The following SEPTIN2 variants were observed in gnomAD, a reference collection of about 807,000 sequenced individuals.
The protein encoded by SEPTIN2 is septin-2.
Under a neutral mutation model 46.5 loss-of-function variants are expected in SEPTIN2, and 34 were observed. The ratio of observed to expected loss-of-function variants is 0.73; its 90% CI spans 0.56 to 0.97. The LOEUF is 0.97. SEPTIN2 is among the 50% of genes least tolerant of loss of function. The pLI is 0.00. For synonymous variants in SEPTIN2, 175 were observed against 153.4 expected (o/e 1.14, Z -1.04); for missense variants, 347 against 448.4 (o/e 0.77, Z 2.04).
At chr2:241,350,898 T>C (rs1428969500) in intron 12 of SEPTIN2, among the ~76,000 whole-genome samples, 2 of 152,172 alleles carry the variant, frequency 1.3e-5, no homozygotes, top group African/African-American at 4.8e-5. Context: ...TCCCATCACT[T>C]GCCAGAGGAA....
chr2:241,323,954 TA>T (rs970729584), intron 1 of SEPTIN2, among the ~76,000 whole-genome samples: 1 of 152,190 alleles, frequency 6.6e-6, no homozygotes, highest in Admixed American at 6.5e-5. Context: ...GAATAAAGAA[TA>T]GGGGGTCTGG....
Position 241,350,202 on chromosome 2 carries a change from AG to A in SEPTIN2, c.*29+1del. 1 of 1,564,618 alleles carries A rather than the reference AG, an allele frequency of 6.4e-7. No homozygotes were observed. Among genetic ancestry groups the A allele is most frequent in the Non-Finnish European group, 8.7e-7 (1 of 1,149,826 alleles). ...TGATGTGCACATATCAAGAAGTCAG[AG>A]GTAGGCCCTGTTGTCCCTTAGCCTG... is the stretch of plus-strand genomic sequence containing the variant. On this transcript the variant is annotated splice_region_variant and 3_prime_UTR_variant, in exon 12 of 13. Transcript: ENST00000391971.
chr2:241,328,587 A>G (rs1015938918), intron 3 of SEPTIN2, among the ~76,000 whole-genome samples: 1 of 150,220 alleles, frequency 6.7e-6, no homozygotes, highest in Non-Finnish European at 1.5e-5. Flanking sequence ...AAAAAAAAAT[A>G]CTAAATTAGC....
chr2:241,350,792 C>G (rs576678390), intron 12 of SEPTIN2, among the ~76,000 whole-genome samples: 2 of 152,134 alleles, frequency 1.3e-5, no homozygotes, highest in South Asian at 2.1e-4. Context: ...TCTGCAGACT[C>G]CAGAGACTCA....
chr2:241,328,877 G>A (rs978125114), intron 3 of SEPTIN2, among the ~76,000 whole-genome samples: 3 of 151,226 alleles, frequency 2.0e-5, no homozygotes, highest in Admixed American at 6.6e-5. Flanking sequence ...AAAATTAGCC[G>A]GGCATGGTGG....
chr2:241,335,766 T>G, intron 4 of SEPTIN2: 1 of 610,504 alleles, frequency 1.6e-6, no homozygotes, highest in Non-Finnish European at 2.9e-6. Flanking sequence ...ACATTTGTGT[T>G]TTTAACCTTC....
chr2:241,342,894 G>T, intron 7 of SEPTIN2, 98 bp from the exon 8 acceptor site: 1 of 675,212 alleles, frequency 1.5e-6, no homozygotes, highest in Non-Finnish European at 2.6e-6. Context: ...ATTGACATTT[G>T]TATGATTTCC....
intron 1 of SEPTIN2, chr2:241,317,499 C>T: frequency 1.0e-6 from 1 of 981,214 alleles, no homozygotes; most frequent in Non-Finnish European, 1.2e-6. Context: ...CCAATACCAG[C>T]ATACAGAAAC....
At position 241,334,299 on chromosome 2, in the gene SEPTIN2, A is replaced by G. The variant is rs556852207; in HGVS notation, c.131-827A>G. On this transcript the variant is annotated intron_variant, in intron 3 of 12. Transcript: ENST00000391971. ...GTACCAAGATCAGAAGCAGTTCTCC[A>G]TGCAGAATTGAGACCTAGATGATCA... Among the ~76,000 whole-genome samples the G allele has an allele frequency of 1.3e-4, 20 of 152,364 alleles. No homozygotes were observed. The South Asian group carries it at 4.1e-3, about 32-fold the overall frequency.
intron 1 of SEPTIN2, 175 bp from the exon 2 acceptor site, chr2:241,324,041 A>G: frequency 3.4e-6 from 2 of 584,320 alleles, no homozygotes. Flanking sequence ...GTCAGTGCTT[A>G]ACTTTTCCCT....
chr2:241,339,889 C>G (rs986096512), intron 7 of SEPTIN2, among the ~76,000 whole-genome samples: 7 of 152,202 alleles, frequency 4.6e-5, no homozygotes, highest in African/African-American at 1.7e-4. Flanking sequence ...CTCCTGACCC[C>G]TGACCCCAGG....
intron 1 of SEPTIN2, chr2:241,316,698 C>A: frequency 2.0e-6 from 1 of 506,714 alleles, no homozygotes; most frequent in Non-Finnish European, 3.4e-6. Flanking sequence ...ACCTGGCTTG[C>A]TTTTTTACCT....
At chr2:241,325,168 A>G (rs1382235373) in intron 2 of SEPTIN2, 2 of 152,204 alleles carry the variant, frequency 1.3e-5, no homozygotes. Flanking sequence ...TTGACTATAC[A>G]TTTACAAAAT....
intron 1 of SEPTIN2, chr2:241,317,539 T>C: frequency 2.4e-6 from 2 of 821,196 alleles, no homozygotes; most frequent in Non-Finnish European, 2.9e-6. Flanking sequence ...GTGGGTATTT[T>C]TTTTTTTTTT....
intron 2 of SEPTIN2, 35 bp downstream of exon 2, chr2:241,324,276 A>G (rs903990626): frequency 1.8e-5 from 28 of 1,578,670 alleles, no homozygotes; most frequent in Non-Finnish European, 2.3e-5. Context: ...CAGCATAAGG[A>G]GAAATTGCTT....
intron 1 of SEPTIN2, chr2:241,317,663 C>T (rs940260742): frequency 1.7e-6 from 1 of 600,324 alleles, no homozygotes; most frequent in Non-Finnish European, 2.1e-6. Flanking sequence ...CTGCCCCAGT[C>T]CCTGTTAGGA....
At chr2:241,336,363 G>A (rs970827757) in intron 5 of SEPTIN2, 12 of 421,596 alleles carry the variant, frequency 2.8e-5, no homozygotes, top group Middle Eastern at 6.4e-4. Context: ...GATTTGAGCC[G>A]TGGTTGGTGA....
At chr2:241,323,975 A>G (rs962473278) in intron 1 of SEPTIN2, among the ~76,000 whole-genome samples, 4 of 152,234 alleles carry the variant, frequency 2.6e-5, no homozygotes, top group Admixed American at 1.3e-4. Flanking sequence ...GTTAATATAT[A>G]CATCTAAACA....
At chr2:241,345,305 C>G (rs551992152) in intron 9 of SEPTIN2, among the ~76,000 whole-genome samples, 2 of 152,314 alleles carry the variant, frequency 1.3e-5, no homozygotes, top group African/African-American at 4.8e-5. Flanking sequence ...TGTTACCATC[C>G]AAGCTGTGTC....
Sources: allele counts gnomAD v4.1 joint callset (sites outside exome capture counted in the v4.1 genomes callset), GRCh38; gene constraint gnomAD v4.1.1; transcripts MANE v1.5; gene names NCBI Gene and HGNC (gene_info 2026-07-23, HGNC 2026-07-21).